Variants in ASTN2 observed in about 807,000 individuals in gnomAD.
ASTN2 encodes astrotactin 2, also known as astrotactin-2.
Under a neutral mutation model 139.8 loss-of-function variants are expected in ASTN2, and 54 were observed. That is an observed-to-expected ratio of 0.39 (90% CI 0.31 to 0.48). ASTN2 has a LOEUF of 0.48. ASTN2 is among the 20% of genes least tolerant of loss of function. The probability of loss-of-function intolerance (pLI) is 0.95; values close to 1 mark genes in which losing one functional copy is unlikely to be tolerated. For synonymous variants in ASTN2, 756 were observed against 719.5 expected (o/e 1.05, Z -0.81); for missense variants, 1,565 against 1,725.1 (o/e 0.91, Z 1.64).
intron 15 of ASTN2, among the ~76,000 whole-genome samples, chr9:116,728,054 T>TA (rs1036447619): frequency 3.3e-5 from 5 of 152,128 alleles, no homozygotes; most frequent in African/African-American, 9.7e-5. Flanking sequence ...GTGTTATTAG[T>TA]AAGAGTTAGG....
At chr9:117,388,928 A>G (rs1019880077) in intron 1 of ASTN2, among the ~76,000 whole-genome samples, 2 of 152,250 alleles carry the variant, frequency 1.3e-5, no homozygotes, top group Non-Finnish European at 2.9e-5. Flanking sequence ...AAAATAATTT[A>G]TTCAATGTGC....
intron 19 of ASTN2, among the ~76,000 whole-genome samples, chr9:116,521,010 C>T (rs531450894): frequency 2.6e-5 from 4 of 152,068 alleles, no homozygotes; most frequent in Non-Finnish European, 5.9e-5. Flanking sequence ...TCATAGATGA[C>T]ACACCCAAAT....
At chr9:116,961,501 T>C (rs949765575) in intron 10 of ASTN2, among the ~76,000 whole-genome samples, 5 of 152,208 alleles carry the variant, frequency 3.3e-5, no homozygotes, top group Admixed American at 3.3e-4. Context: ...TTATTTCCCT[T>C]AGCATAGTGT....
In ASTN2 at chr9:117,141,323, T is replaced by C; in HGVS notation, c.1168+3A>G. 2.2e-6 allele frequency: 3 copies of C among 1,367,094 alleles called. No individual in the cohort carries two copies. Among genetic ancestry groups the C allele is most frequent in the Non-Finnish European group, 2.9e-6 (3 of 1,021,588 alleles). 84.7% of individuals were successfully genotyped at this position (1,367,094 alleles called of 1,614,324 possible). On this transcript the variant is annotated splice_donor_region_variant and intron_variant, in intron 4 of 22. Coordinates refer to ENST00000313400, the MANE Select transcript of ASTN2 (RefSeq NM_001365068.1). The stretch of plus-strand genomic sequence containing the variant: ...CCTGGCCAGATGTGCCAGGAGGGCC[T>C]ACCTCGAGACTTGCTCCTCCGCTTC...
At chr9:116,588,147 C>T (rs930908629) in intron 19 of ASTN2, among the ~76,000 whole-genome samples, 1 of 152,134 alleles carries the variant, frequency 6.6e-6, no homozygotes, top group Non-Finnish European at 1.5e-5. Context: ...AATATCTACC[C>T]GCTGCTTTCC....
intron 2 of ASTN2, among the ~76,000 whole-genome samples, chr9:117,248,267 T>C (rs141408877): frequency 3.5e-4 from 54 of 152,272 alleles, no homozygotes; most frequent in African/African-American, 1.3e-3. Context: ...GAAATTCAAA[T>C]AGCAAGGACA....
intron 10 of ASTN2, among the ~76,000 whole-genome samples, chr9:116,886,947 A>G (rs1189983169): frequency 6.6e-6 from 1 of 151,994 alleles, no homozygotes; most frequent in Non-Finnish European, 1.5e-5. Flanking sequence ...TTTAGTAAGG[A>G]GGTCAGGGAT....
intron 1 of ASTN2, among the ~76,000 whole-genome samples, chr9:117,312,156 C>A (rs1003306197): frequency 6.6e-6 from 1 of 152,172 alleles, no homozygotes; most frequent in African/African-American, 2.4e-5. Flanking sequence ...GCCCTTCTTC[C>A]CCCCAGAGAC....
chr9:116,990,194 G>A (rs1470765641), intron 7 of ASTN2, among the ~76,000 whole-genome samples: 2 of 149,606 alleles, frequency 1.3e-5, no homozygotes, highest in Non-Finnish European at 3.0e-5. Context: ...GCACATAAAG[G>A]TGCCACCAAA....
chr9:116,596,524 G>T (rs1011666666), intron 19 of ASTN2, among the ~76,000 whole-genome samples: 2 of 152,166 alleles, frequency 1.3e-5, no homozygotes, highest in African/African-American at 4.8e-5. Context: ...TATCTTGCTT[G>T]TGGTGATGAC....
intron 19 of ASTN2, among the ~76,000 whole-genome samples, chr9:116,506,083 G>T (rs2119161698): frequency 6.6e-6 from 1 of 152,194 alleles, no homozygotes; most frequent in South Asian, 2.1e-4. Flanking sequence ...CCAACCCTCT[G>T]TACCGGGAAC....
intron 3 of ASTN2, among the ~76,000 whole-genome samples, chr9:117,196,515 A>G (rs766260920): frequency 6.6e-6 from 1 of 152,154 alleles, no homozygotes; most frequent in Non-Finnish European, 1.5e-5. Flanking sequence ...GAGAAATAGC[A>G]AGGTTCAGTC....
intron 3 of ASTN2, among the ~76,000 whole-genome samples, chr9:117,210,962 C>A (rs546256525): frequency 2.7e-4 from 39 of 142,884 alleles, no homozygotes; most frequent in African/African-American, 7.2e-4. Flanking sequence ...GGAAAAAAAA[C>A]CATATGATCA....
rs1467780916 is a variant in ASTN2 at position 117,171,576 on chromosome 9, G to A, written c.1016-30098C>T. ...ATGTGTCAATGGAGGGACCTGGTGG[G>A]AAGTGACTGGATCATGGGATCGGTT... is the stretch of plus-strand genomic sequence containing the variant. On this transcript the variant is annotated intron_variant, in intron 3 of 22. Coordinates refer to ENST00000313400, the MANE Select transcript of ASTN2 (RefSeq NM_001365068.1). Among the ~76,000 whole-genome samples the A allele has an allele frequency of 4.6e-5, 7 of 152,108 alleles. No individual in the cohort carries two copies. The East Asian group carries it at 1.4e-3, about 29-fold the overall frequency.
intron 10 of ASTN2, among the ~76,000 whole-genome samples, chr9:116,973,647 C>T (rs865851289): frequency 6.6e-6 from 1 of 152,286 alleles, no homozygotes; most frequent in Middle Eastern, 3.4e-3. Context: ...ACCAGATGGT[C>T]CTTGCTTTAT....
intron 5 of ASTN2, among the ~76,000 whole-genome samples, chr9:117,077,310 A>G (rs1452526665): frequency 6.6e-6 from 1 of 152,196 alleles, no homozygotes; most frequent in Non-Finnish European, 1.5e-5. Flanking sequence ...GTTCTGAGCA[A>G]GTGATTTAAA....
chr9:117,173,704 TAAAG>T (rs1009323334), intron 3 of ASTN2, among the ~76,000 whole-genome samples: 1 of 151,866 alleles, frequency 6.6e-6, no homozygotes, highest in Non-Finnish European at 1.5e-5. Flanking sequence ...GGTCTAGAGA[TAAAG>T]AAACACTTCA....
intron 2 of ASTN2, among the ~76,000 whole-genome samples, chr9:117,258,976 G>A (rs1833757478): frequency 6.6e-6 from 1 of 152,096 alleles, no homozygotes; most frequent in South Asian, 2.1e-4. Flanking sequence ...ATATAACTTT[G>A]GCCAAGACAT....
chr9:116,795,948 C>T (rs961977519), intron 13 of ASTN2, among the ~76,000 whole-genome samples: 2 of 152,184 alleles, frequency 1.3e-5, no homozygotes, highest in African/African-American at 4.8e-5. Context: ...AAAGGGCAGA[C>T]ACGGGATTTG....
Sources: gnomAD v4.1 joint callset for allele counts (sites outside exome capture counted in the v4.1 genomes callset) on GRCh38, gnomAD v4.1.1 for gene constraint, MANE v1.5 for transcripts, NCBI Gene and HGNC (gene_info 2026-07-23, HGNC 2026-07-21) for gene names.